Variants in SLC5A4 observed in about 807,000 individuals in gnomAD.
SLC5A4 encodes probable glucose sensor protein SLC5A4.
Under a neutral mutation model 70.3 loss-of-function variants are expected in SLC5A4, and 55 were observed. The ratio of observed to expected loss-of-function variants is 0.78; its 90% CI spans 0.63 to 0.98. SLC5A4 has a LOEUF of 0.98. Ranked by LOEUF, SLC5A4 falls within the 50% of genes least tolerant of loss-of-function variation. The probability of loss-of-function intolerance (pLI) is 0.00; values close to 1 mark genes in which losing one functional copy is unlikely to be tolerated. For missense variants in SLC5A4, 735 were observed against 839.2 expected, an observed-to-expected ratio of 0.88 and a Z score of 1.53; for synonymous variants, 268 against 305.7, an observed-to-expected ratio of 0.88 and a Z score of 1.29.
In SLC5A4 at chr22:32,238,973, C is replaced by A; in HGVS notation, c.583+12G>T. 1 of 1,594,150 alleles carries A rather than the reference C, an allele frequency of 6.3e-7. No individual in the cohort carries two copies. The highest frequency in any genetic ancestry group is 8.6e-7 in the Non-Finnish European group (1 of 1,161,884). Reference sequence around the variant, plus strand: ...AGATAGCCTGAGTGAGCAAAATATGCAACATACTTACCAGTGGTGGTGTAA... The same window carrying A: ...AGATAGCCTGAGTGAGCAAAATATGAAACATACTTACCAGTGGTGGTGTAA... On this transcript the variant is annotated intron_variant, in intron 6 of 14. Coordinates refer to ENST00000266086, the MANE Select transcript of SLC5A4 (RefSeq NM_014227.3).
chr22:32,288,102 G>C, the SLC5A4 span, among the ~76,000 whole-genome samples: 1 of 150,916 alleles, frequency 6.6e-6, no homozygotes, highest in Admixed American at 6.6e-5. Context: ...CACCTGCCTT[G>C]GTCTCCCAAA....
At chr22:32,335,045 C>T in the SLC5A4 span, among the ~76,000 whole-genome samples, 1 of 152,150 alleles carries the variant, frequency 6.6e-6, no homozygotes, top group African/African-American at 2.4e-5. Flanking sequence ...AGGCTGAAGC[C>T]AGGCCCATCC....
chr22:32,251,623 C>T, intron 3 of SLC5A4, 147 bp downstream of exon 3: 1 of 616,722 alleles, frequency 1.6e-6, no homozygotes, highest in Non-Finnish European at 2.9e-6. Context: ...TCAGCCCTTG[C>T]ACTTCCCAGC....
intron 5 of SLC5A4, among the ~76,000 whole-genome samples, chr22:32,239,582 T>TATA (rs1491159994): frequency 6.2e-5 from 1 of 16,170 alleles, no homozygotes; most frequent in Non-Finnish European, 1.0e-4. Flanking sequence ...ATATATATAT[T>TATA]TATATATATA....
At chr22:32,349,447 T>C in the SLC5A4 span, among the ~76,000 whole-genome samples, 2 of 152,196 alleles carry the variant, frequency 1.3e-5, no homozygotes, top group East Asian at 1.9e-4. Context: ...GGGCCTTACA[T>C]AGAAATCTAA....
intron 1 of SLC5A4, among the ~76,000 whole-genome samples, 172 bp from the exon 2 acceptor site, chr22:32,254,385 C>A (rs530231439): frequency 6.6e-6 from 1 of 152,314 alleles, no homozygotes; most frequent in East Asian, 1.9e-4. Flanking sequence ...AAAACAGTCG[C>A]TTTGTAAAAA....
the SLC5A4 span, among the ~76,000 whole-genome samples, chr22:32,264,177 T>TA: frequency 6.6e-6 from 1 of 150,462 alleles, no homozygotes; most frequent in South Asian, 2.1e-4. Flanking sequence ...CCCCAGAACT[T>TA]AAAGTATAAT....
chr22:32,339,087 ATCGCAG>A, the SLC5A4 span, among the ~76,000 whole-genome samples: 2 of 152,178 alleles, frequency 1.3e-5, no homozygotes, highest in African/African-American at 4.8e-5. Context: ...GTCAGGTAAA[ATCGCAG>A]GGTCATCGCT....
At chr22:32,278,069 G>A in the SLC5A4 span, among the ~76,000 whole-genome samples, 2,049 of 152,176 alleles carry the variant, frequency 0.013, 18 homozygotes, top group South Asian at 0.033. Flanking sequence ...CTCTTATATG[G>A]GACTACAAGA....
chr22:32,227,326 C>T (rs1266674904), intron 11 of SLC5A4, among the ~76,000 whole-genome samples: 4 of 152,172 alleles, frequency 2.6e-5, no homozygotes, highest in Non-Finnish European at 4.4e-5. Context: ...GAACACCAAC[C>T]AGTACCTTCT....
At chr22:32,330,900 C>A in the SLC5A4 span, among the ~76,000 whole-genome samples, 7 of 67,498 alleles carry the variant, frequency 1.0e-4, no homozygotes, top group African/African-American at 4.0e-4. Flanking sequence ...TGGGGGCTCT[C>A]CTGTGTGTGT....
At chr22:32,238,755 AC>A (rs1176945171) in intron 6 of SLC5A4, among the ~76,000 whole-genome samples, 3 of 152,018 alleles carry the variant, frequency 2.0e-5, no homozygotes, top group African/African-American at 7.2e-5. Context: ...CCTGTTTCCT[AC>A]CCCATCCCCC....
In SLC5A4 at chr22:32,224,354, A is replaced by T. The variant is rs746985244; in HGVS notation, c.1578T>A (p.Tyr526Ter). Residue 526 changes from tyrosine (Y) to a stop codon, truncating the protein, a stop_gained, in exon 13 of 15, where the codon TAT becomes TAA. Coordinates refer to ENST00000266086, the MANE Select transcript of SLC5A4 (RefSeq NM_014227.3). LOFTEE classifies it high-confidence loss of function. The stretch of plus-strand genomic sequence containing the variant: ...AAAAGAGAACGATGGAAAAGTACAG[A>T]TAGTGCACTCCACAGATAATCTTGG... ...NCPKIICGVH[Y>*]LYFSIVLFFG... 27 of 1,614,120 alleles carry T rather than the reference A, an allele frequency of 1.7e-5. No individual in the cohort carries two copies. The highest frequency in any genetic ancestry group is 2.3e-5 in the Non-Finnish European group (27 of 1,179,976).
chr22:32,248,318 C>A (rs374542892), intron 4 of SLC5A4, among the ~76,000 whole-genome samples: 61 of 152,292 alleles, frequency 4.0e-4, no homozygotes, highest in African/African-American at 1.3e-3. Flanking sequence ...AGTGTTACAA[C>A]TTGAGAAAGT....
the SLC5A4 span, among the ~76,000 whole-genome samples, chr22:32,303,368 C>A: frequency 6.6e-6 from 1 of 152,256 alleles, no homozygotes; most frequent in East Asian, 1.9e-4. Context: ...AGTCTCTGAT[C>A]AGCCAGCCTT....
At chr22:32,302,213 TTTGA>T in the SLC5A4 span, among the ~76,000 whole-genome samples, 15 of 151,824 alleles carry the variant, frequency 9.9e-5, no homozygotes, top group South Asian at 2.1e-4. Context: ...TCATGTCTAC[TTTGA>T]TTGTTTTTGT....
At chr22:32,342,173 C>T in the SLC5A4 span, among the ~76,000 whole-genome samples, 2 of 152,160 alleles carry the variant, frequency 1.3e-5, no homozygotes, top group African/African-American at 2.4e-5. Context: ...GCTAATGCTA[C>T]ACATTATAAC....
chr22:32,256,433 T>C (rs985584808), upstream of SLC5A4, among the ~76,000 whole-genome samples: 6 of 152,168 alleles, frequency 3.9e-5, no homozygotes, highest in Non-Finnish European at 8.8e-5. Context: ...TAGCATAAAA[T>C]TTACCATTTT....
the SLC5A4 span, chr22:32,272,157 G>A: frequency 1.1e-5 from 8 of 709,802 alleles, no homozygotes; most frequent in Admixed American, 2.0e-5. Flanking sequence ...AAGGCTACGC[G>A]TGGCCGCCGG....
Sources: allele counts gnomAD v4.1 joint callset (sites outside exome capture counted in the v4.1 genomes callset), GRCh38; gene constraint gnomAD v4.1.1; transcripts MANE v1.5; gene names NCBI Gene and HGNC (gene_info 2026-07-23, HGNC 2026-07-21).